Variants in CYP7B1 observed in about 807,000 individuals in gnomAD.
The protein encoded by CYP7B1 is cytochrome P450 7B1.
CYP7B1 carries 29 observed loss-of-function variants against 42.7 expected under a neutral mutation model. The observed-to-expected ratio is 0.68, with a 90% CI of 0.51 to 0.93. The LOEUF (loss-of-function observed/expected upper bound fraction) is 0.93, where lower values mean the gene tolerates loss of function less well. Ranked by LOEUF, CYP7B1 falls within the 40% of genes least tolerant of loss-of-function variation. CYP7B1 has a pLI of 0.00. For missense variants in CYP7B1, 655 were observed against 600.5 expected, an observed-to-expected ratio of 1.09 and a Z score of -0.95; for synonymous variants, 235 against 218.2, an observed-to-expected ratio of 1.08 and a Z score of -0.68.
intron 1 of CYP7B1, among the ~76,000 whole-genome samples, chr8:64,773,245 T>C (rs933252095): frequency 1.3e-5 from 2 of 152,242 alleles, no homozygotes; most frequent in Non-Finnish European, 2.9e-5. Context: ...TCAGAATGAA[T>C]GATGATGGTT....
chr8:64,686,040 G>T (rs1169162161), intron 1 of CYP7B1, among the ~76,000 whole-genome samples: 4 of 119,164 alleles, frequency 3.4e-5, no homozygotes, highest in South Asian at 2.6e-4. Context: ...CACCCCGTCC[G>T]GGAGGGAGAT....
chr8:64,736,358 G>A (rs1807487617), intron 1 of CYP7B1, among the ~76,000 whole-genome samples: 1 of 152,086 alleles, frequency 6.6e-6, no homozygotes, highest in Admixed American at 6.5e-5. Flanking sequence ...TGGATCAAAT[G>A]GAAAAAGAAG....
chr8:64,621,104 TG>T (rs1805523460), intron 2 of CYP7B1, among the ~76,000 whole-genome samples: 1 of 152,254 alleles, frequency 6.6e-6, no homozygotes, highest in African/African-American at 2.4e-5. Context: ...AATATAGTTT[TG>T]GTACCATAAA....
At position 64,756,464 on chromosome 8, in the gene CYP7B1, G is replaced by A. The variant is rs369527146; in HGVS notation, c.122+42002C>T. On this transcript the variant is annotated intron_variant, in intron 1 of 5. Coordinates refer to ENST00000310193, the MANE Select transcript of CYP7B1 (RefSeq NM_004820.5). ...TAAGCTCAGGGTTTGTTTTGGAAGC[G>A]GAATTTCTAGGTGCCAGGATAGGAA... Among the ~76,000 whole-genome samples the A allele has an allele frequency of 1.4e-3, 216 of 152,264 alleles. 1 individual carries two copies. Among genetic ancestry groups the A allele is most frequent in the Non-Finnish European group, 2.4e-3 (165 of 68,012 alleles).
intron 1 of CYP7B1, among the ~76,000 whole-genome samples, chr8:64,634,716 T>TA (rs1805745861): frequency 6.6e-6 from 1 of 152,104 alleles, no homozygotes; most frequent in African/African-American, 2.4e-5. Context: ...TTGATTTTTT[T>TA]AAAAAAGCTC....
At chr8:64,649,955 A>G (rs1187944869) in intron 1 of CYP7B1, among the ~76,000 whole-genome samples, 1 of 152,226 alleles carries the variant, frequency 6.6e-6, no homozygotes, top group East Asian at 1.9e-4. Flanking sequence ...TATCCTAGAT[A>G]TTAACACATC....
chr8:64,679,984 C>T (rs1183398856), intron 1 of CYP7B1, among the ~76,000 whole-genome samples: 1 of 151,962 alleles, frequency 6.6e-6, no homozygotes, highest in Non-Finnish European at 1.5e-5. Context: ...AACCACAGGC[C>T]CTATGTTGCA....
chr8:64,752,708 A>C (rs1183743344), intron 1 of CYP7B1, among the ~76,000 whole-genome samples: 1 of 152,214 alleles, frequency 6.6e-6, no homozygotes, highest in Non-Finnish European at 1.5e-5. Flanking sequence ...GTAAGTCTAT[A>C]CATGTATGCC....
chr8:64,613,259 A>G (rs1805387561), intron 4 of CYP7B1, among the ~76,000 whole-genome samples: 1 of 152,186 alleles, frequency 6.6e-6, no homozygotes, highest in Admixed American at 6.5e-5. Context: ...CTCTAGCTCT[A>G]GCTATGGGCT....
At chr8:64,610,547 C>T (rs3779874) in intron 4 of CYP7B1, among the ~76,000 whole-genome samples, 111,907 of 152,048 alleles carry the variant, frequency 0.74, 41,501 homozygotes, top group African/African-American at 0.76. Flanking sequence ...ATCACACTAA[C>T]GTAAAACGTT....
intron 1 of CYP7B1, among the ~76,000 whole-genome samples, chr8:64,738,546 A>ACG (rs943458782): frequency 3.3e-5 from 5 of 151,886 alleles, no homozygotes; most frequent in Non-Finnish European, 7.4e-5. Flanking sequence ...ACACACACAC[A>ACG]CGCACACACA....
intron 1 of CYP7B1, among the ~76,000 whole-genome samples, chr8:64,660,285 A>AT (rs1170143558): frequency 4.3e-4 from 65 of 152,280 alleles, no homozygotes; most frequent in Non-Finnish European, 7.4e-5. Flanking sequence ...TGTATTTGTT[A>AT]TCATTATTGT....
chr8:64,684,003 ACT>A (rs1806582345), intron 1 of CYP7B1, among the ~76,000 whole-genome samples: 1 of 151,162 alleles, frequency 6.6e-6, no homozygotes, highest in South Asian at 2.1e-4. Context: ...ACCCCATCAC[ACT>A]CTCTCCCTTA....
chr8:64,789,343 C>T (rs2129716187), intron 1 of CYP7B1, among the ~76,000 whole-genome samples: 1 of 152,286 alleles, frequency 6.6e-6, no homozygotes, highest in African/African-American at 2.4e-5. Context: ...CTCATGACTA[C>T]TTTTCATGTC....
chr8:64,724,140 A>AT (rs983756440), intron 1 of CYP7B1, among the ~76,000 whole-genome samples: 92 of 145,564 alleles, frequency 6.3e-4, no homozygotes, highest in African/African-American at 9.3e-4. Context: ...CAAAAGAATA[A>AT]TTTTTTTTTT....
chr8:64,767,476 A>G (rs905398549), intron 1 of CYP7B1, among the ~76,000 whole-genome samples: 6 of 152,260 alleles, frequency 3.9e-5, no homozygotes, highest in Admixed American at 3.9e-4. Flanking sequence ...AGCAGAAGAA[A>G]GAACGGGGAA....
intron 1 of CYP7B1, among the ~76,000 whole-genome samples, chr8:64,743,350 C>A (rs1242720053): frequency 1.3e-5 from 2 of 152,006 alleles, no homozygotes; most frequent in Non-Finnish European, 2.9e-5. Flanking sequence ...AAAAGAATTA[C>A]CAAATCAAGA....
intron 1 of CYP7B1, among the ~76,000 whole-genome samples, chr8:64,765,474 C>G (rs1326828611): frequency 6.6e-6 from 1 of 152,124 alleles, no homozygotes; most frequent in East Asian, 1.9e-4. Context: ...ACTCAGGAAC[C>G]CAGCCCAGCT....
intron 1 of CYP7B1, among the ~76,000 whole-genome samples, chr8:64,783,281 G>A (rs981283418): frequency 6.6e-6 from 1 of 152,106 alleles, no homozygotes; most frequent in African/African-American, 2.4e-5. Context: ...TCTTGCTTGA[G>A]AGTAATTAAG....
Sources: gnomAD v4.1 joint callset for allele counts (sites outside exome capture counted in the v4.1 genomes callset) on GRCh38, gnomAD v4.1.1 for gene constraint, MANE v1.5 for transcripts, NCBI Gene and HGNC (gene_info 2026-07-23, HGNC 2026-07-21) for gene names.